The following ICAM5 variants were observed in gnomAD, a reference collection of about 807,000 sequenced individuals.
ICAM5 encodes the protein ICAM-5.
ICAM5 carries 38 observed loss-of-function variants against 78.8 expected under a neutral mutation model. The observed-to-expected ratio is 0.48, with a 90% CI of 0.37 to 0.63. The LOEUF is 0.63. Among genes scored for constraint, ICAM5 ranks in the 30% least tolerant of loss-of-function variants. ICAM5 has a pLI of 0.00. For synonymous variants in ICAM5, 544 were observed against 590.9 expected (o/e 0.92, Z 1.15); for missense variants, 1,059 against 1,303.0 (o/e 0.81, Z 2.88).
intron 4 of ICAM5, 128 bp from the exon 5 acceptor site, chr19:10,292,484 G>A: frequency 7.1e-7 from 1 of 1,399,110 alleles, no homozygotes; most frequent in African/African-American, 1.4e-5. Flanking sequence ...AGCCTGTACA[G>A]CCTGAGAGGC....
At position 10,295,486 on chromosome 19, in the gene ICAM5, G is replaced by C; in HGVS notation, c.2371G>C (p.Gly791Arg). ...CGCGCCCCCGGGGGCCCTCAACATC[G>C]GCCTGTCGAGCAACAACAGCACACT... The part of the protein sequence containing the change: ...WRAPPGALNI[G>R]LSSNNSTLSV... The change falls in exon 10 of 11, where the codon GGC becomes CGC. Residue 791 changes from glycine to arginine, a missense_variant. Gly to Arg is a moderately radical substitution (Grantham distance 125). Coordinates refer to ENST00000221980, the MANE Select transcript of ICAM5 (RefSeq NM_003259.4). 1 of 1,574,766 alleles carries C rather than the reference G, an allele frequency of 6.4e-7. No homozygotes were observed. Among genetic ancestry groups the C allele is most frequent in the Non-Finnish European group, 8.6e-7 (1 of 1,162,458 alleles).
In ICAM5 at chr19:10,294,402, G is replaced by A. The variant is rs2040203739; in HGVS notation, c.1992G>A (p.Ser664=). 6.2e-7 allele frequency: 1 copy of A among 1,612,814 alleles called. No individual in the cohort carries two copies. The highest frequency in any genetic ancestry group is 1.1e-5 in the South Asian group (1 of 91,054). The change falls in exon 9 of 11, where the codon TCG becomes TCA. Residue 664 remains serine, a splice_region_variant and synonymous_variant. Transcript: ENST00000221980. This position sits in a 1 kb window ranked among gnomAD's most constrained non-coding sequence, Gnocchi z 7.7. ...VAKTVVVSAE[S]PPEMDESTCP... ...ACATCCCCCATGGCTGCTTTGCAGC[G>A]CCACCGGAGATGGATGAATCTACCT... is the stretch of plus-strand genomic sequence containing the variant.
chr19:10,292,484 G>C (rs2040182419), intron 4 of ICAM5, 128 bp from the exon 5 acceptor site: 6 of 1,399,110 alleles, frequency 4.3e-6, no homozygotes, highest in Middle Eastern at 2.7e-4. Flanking sequence ...AGCCTGTACA[G>C]CCTGAGAGGC....
Position 10,296,358 on chromosome 19 carries a change from C to G in ICAM5, c.2517C>G (p.Ala839=), listed in dbSNP as rs1260778395. The change falls in exon 11 of 11, where the codon GCC becomes GCG. Residue 839 remains alanine, a synonymous_variant. Coordinates refer to ENST00000221980, the MANE Select transcript of ICAM5 (RefSeq NM_003259.4). ...VRVAGPWLWV[A]VGGAAGGAAL... ...CCGCAGGTCCGTGGCTATGGGTCGC[C>G]GTGGGCGGCGCGGCGGGGGGCGCGG... 8.8e-6 allele frequency: 11 copies of G among 1,248,122 alleles called. No homozygotes were observed. The highest frequency in any genetic ancestry group is 1.1e-5 in the Non-Finnish European group (11 of 988,480). The allele number at this position is 1,248,122 out of a possible 1,614,324, so 77.3% of individuals were successfully genotyped here.
chr19:10,295,758 C>CG, intron 10 of ICAM5, 146 bp downstream of exon 10: 1 of 922,426 alleles, frequency 1.1e-6, no homozygotes, highest in Non-Finnish European at 1.6e-6. Context: ...GGTGCCTTAG[C>CG]GGGTGGGGCT....
Position 10,291,578 on chromosome 19 carries a change from G to C in ICAM5, c.442G>C (p.Gly148Arg), listed in dbSNP as rs567508911. 1.9e-6 allele frequency: 3 copies of C among 1,612,422 alleles called. No homozygotes were observed. The highest frequency in any genetic ancestry group is 1.1e-5 in the South Asian group (1 of 91,084). The change falls in exon 3 of 11, where the codon GGG becomes CGG. Residue 148 changes from glycine to arginine, a missense_variant. This residue lies in a region of ICAM5 where 815 missense variants were observed against 952.8 expected (regional missense o/e 0.86). Coordinates refer to ENST00000221980, the MANE Select transcript of ICAM5 (RefSeq NM_003259.4). ...CCTGAGCTGTAGGGTCCCCGGCGCC[G>C]GGCCCCGTGCGAGCCTCACGCTGAC... Reference protein sequence around the residue: ...FTLSCRVPGAGPRASLTLTLL... With the variant: ...FTLSCRVPGARPRASLTLTLL...
intron 5 of ICAM5, 22 bp downstream of exon 5, chr19:10,292,888 G>GC: frequency 1.9e-6 from 3 of 1,606,860 alleles, no homozygotes; most frequent in Non-Finnish European, 1.7e-6. Flanking sequence ...ATAACCCCTC[G>GC]CCCCCCACCT....
intron 4 of ICAM5, 110 bp from the exon 5 acceptor site, chr19:10,292,502 C>A (rs1490051968): frequency 2.1e-5 from 30 of 1,436,812 alleles, no homozygotes; most frequent in Non-Finnish European, 2.8e-5. Context: ...GGCGGGGCGC[C>A]GTACCCTAGT....
Position 10,292,035 on chromosome 19 carries a change from C to G in ICAM5, c.674C>G (p.Ser225Cys), listed in dbSNP as rs2040177355. 4 of 1,611,262 alleles carry G rather than the reference C, an allele frequency of 2.5e-6. No individual in the cohort carries two copies. In the South Asian group the frequency reaches 4.4e-5, roughly 18 times the overall value. Residue 225 changes from serine (S) to cysteine (C), a missense_variant and splice_region_variant, in exon 4 of 11, where the codon TCC (serine) becomes TGC (cysteine). Physicochemically the swap from Ser to Cys is moderately radical, Grantham distance 112. Around this residue, in one of 3 missense-constraint regions of ICAM5, gnomAD observed 815 missense variants for 952.8 expected, o/e 0.86. Transcript: ENST00000221980. ...TCAAACTTGGTTCTTCGACCCCTAG[C>G]CCTGTCTCCGGATGCCCCGCGCCTC... ...SSAPRELRTF[S>C]LSPDAPRLAA...
chr19:10,296,578 G>A lies in ICAM5; in HGVS notation c.2737G>A (p.Glu913Lys). 2 of 1,217,868 alleles carry A rather than the reference G, an allele frequency of 1.6e-6. No individual in the cohort carries two copies. Among genetic ancestry groups the A allele is most frequent in the African/African-American group, 1.6e-5 (1 of 63,398 alleles). The allele number at this position is 1,217,868 out of a possible 1,614,324, so 75.4% of individuals were successfully genotyped here. A position where few individuals can be genotyped will look rare whatever the true frequency, so the allele number is the denominator to read the frequency against. The change falls in exon 11 of 11, where the codon GAG becomes AAG. Residue 913 changes from glutamate to lysine, a missense_variant. By Grantham distance (56) the Glu-to-Lys change is moderately conservative. Coordinates refer to ENST00000221980, the MANE Select transcript of ICAM5 (RefSeq NM_003259.4). ...GGGGGGCGCGGCCGAGTCGCCGGCGGAGGGCGAGGTCTTCGCCATACAGCT... is the reference window on the plus strand; with the variant it reads ...GGGGGGCGCGGCCGAGTCGCCGGCGAAGGGCGAGGTCTTCGCCATACAGCT... ...AAGGAAESPA[E>K]GEVFAIQLTS...
At position 10,292,044 on chromosome 19, in the gene ICAM5, C is replaced by T. The variant is rs147452916; in HGVS notation, c.683C>T (p.Pro228Leu). 1.4e-4 allele frequency: 222 copies of T among 1,611,720 alleles called. No individual in the cohort carries two copies. In the African/African-American group the frequency reaches 2.7e-3, roughly 20 times the overall value. ...PRELRTFSLS[P>L]DAPRLAAPRL... ...GTTCTTCGACCCCTAGCCCTGTCTC[C>T]GGATGCCCCGCGCCTCGCTGCTCCC... Residue 228 changes from proline to leucine, a missense_variant, in exon 4 of 11, where the codon CCG (proline) becomes CTG (leucine). Coordinates refer to ENST00000221980, the MANE Select transcript of ICAM5 (RefSeq NM_003259.4).
At position 10,294,142 on chromosome 19, in the gene ICAM5, G is replaced by T; in HGVS notation, c.1814G>T (p.Ser605Ile). 1 of 1,610,058 alleles carries T rather than the reference G, an allele frequency of 6.2e-7. No homozygotes were observed. The highest frequency in any genetic ancestry group is 8.5e-7 in the Non-Finnish European group (1 of 1,178,838). Residue 605 changes from serine (S) to isoleucine (I), a missense_variant, in exon 8 of 11, where the codon AGC becomes ATC. Physicochemically the swap from Ser to Ile is moderately radical, Grantham distance 142. Transcript: ENST00000221980. This position sits in a 1 kb window ranked among gnomAD's most constrained non-coding sequence, Gnocchi z 7.7. The stretch of plus-strand genomic sequence containing the variant: ...GAGGTCGATGGGAAGCCACAGCCAA[G>T]CGTGAAGTGCGTGGGCTCCGGGGGC... ...SCEVDGKPQP[S>I]VKCVGSGGAT...
intron 9 of ICAM5, 73 bp from the exon 10 acceptor site, chr19:10,295,273 G>T: frequency 7.0e-7 from 1 of 1,425,386 alleles, no homozygotes; most frequent in East Asian, 2.6e-5. Context: ...ATCGATCGTT[G>T]TGGGCCGGAG....
chr19:10,295,721 C>A (rs1396586044), intron 10 of ICAM5, 109 bp downstream of exon 10: 4 of 1,264,860 alleles, frequency 3.2e-6, no homozygotes, highest in African/African-American at 1.5e-5. Flanking sequence ...GTAGACTAGA[C>A]GGAAGTGGGA....
rs1182274202 is a variant in ICAM5 at position 10,292,094 on chromosome 19, A to T, written c.733A>T (p.Arg245Trp). The change falls in exon 4 of 11, where the codon AGG becomes TGG. Residue 245 changes from arginine to tryptophan, a missense_variant. Physicochemically the swap from Arg to Trp is moderately radical, Grantham distance 101. Around this residue, in one of 3 missense-constraint regions of ICAM5, gnomAD observed 815 missense variants for 952.8 expected, o/e 0.86. Transcript: ENST00000221980. ...CCGGCTCTTGGAAGTTGGCTCGGAAAGGCCCGTGAGCTGCACTCTGGACGG... is the reference window on the plus strand; with the variant it reads ...CCGGCTCTTGGAAGTTGGCTCGGAATGGCCCGTGAGCTGCACTCTGGACGG... ...APRLLEVGSE[R>W]PVSCTLDGLF... is the part of the protein sequence containing the mutation. The T allele has an allele frequency of 2.5e-6, 4 of 1,613,112 alleles. No homozygotes were observed. In the South Asian group the frequency reaches 4.4e-5, roughly 18 times the overall value.
rs1952439715 is a variant in ICAM5, at chr19:10,294,071, C to T, written c.1743C>T (p.Pro581=). The part of the protein sequence containing the change: ...YGPRFEEPSC[P]SNWTWVEGSG... Reference sequence around the variant, plus strand: ...CCAGGTTTGAGGAGCCGAGCTGCCCCAGCAATTGGACATGGGTGGAAGGAT... The same window carrying T: ...CCAGGTTTGAGGAGCCGAGCTGCCCTAGCAATTGGACATGGGTGGAAGGAT... The change falls in exon 8 of 11, where the codon CCC becomes CCT. Residue 581 remains proline, a synonymous_variant. Coordinates refer to ENST00000221980, the MANE Select transcript of ICAM5 (RefSeq NM_003259.4). This position sits in a 1 kb window ranked among gnomAD's most constrained non-coding sequence, Gnocchi z 7.7. 4 of 1,584,018 alleles carry T rather than the reference C, an allele frequency of 2.5e-6. No homozygotes were observed. The African/African-American group carries it at 5.4e-5, about 22-fold the overall frequency.
rs913190090 is a variant in ICAM5 at position 10,296,173 on chromosome 19, TG to T, written c.2498-164del. Among the ~76,000 whole-genome samples the T allele has an allele frequency of 2.6e-5, 4 of 152,292 alleles. No homozygotes were observed. The South Asian group carries it at 8.3e-4, about 32-fold the overall frequency. ...ATATAAATCGGGACTCGGGTCGCCC[TG>T]GCACTGGGAGTGGCCTTATTGCATG... On this transcript the variant is annotated intron_variant, in intron 10 of 10. Coordinates refer to ENST00000221980, the MANE Select transcript of ICAM5 (RefSeq NM_003259.4).
In ICAM5 at chr19:10,290,826, C is replaced by T. The variant is rs2040164970; in HGVS notation, c.83-246C>T. On this transcript the variant is annotated intron_variant, in intron 1 of 10. Coordinates refer to ENST00000221980, the MANE Select transcript of ICAM5 (RefSeq NM_003259.4). This position sits in a 1 kb window ranked among gnomAD's most constrained non-coding sequence, Gnocchi z 5.7. ...ACGCCCTCCCCCCATGCTTTCCCGC[C>T]GCTCCATCGGCGCTTTGGAGACCAT... is the stretch of plus-strand genomic sequence containing the variant. The T allele has an allele frequency of 1.7e-6, 1 of 582,178 alleles. No individual in the cohort carries two copies. The highest frequency in any genetic ancestry group is 2.9e-5 in the East Asian group (1 of 34,830). The allele number at this position is 582,178 out of a possible 1,614,324, so 36.1% of individuals were successfully genotyped here.
chr19:10,294,699 G>A lies in ICAM5; in HGVS notation c.2230+59G>A, dbSNP rs554379963. 1.0e-5 allele frequency: 16 copies of A among 1,605,404 alleles called. No homozygotes were observed. The highest frequency in any genetic ancestry group is 1.2e-5 in the Non-Finnish European group (14 of 1,177,600). ...GGTCCTCGGAAGAATGACTCGCAGC[G>A]GTGGGAGCATTCAAGGGCACCTCTC... On this transcript the variant is annotated intron_variant, in intron 9 of 10. Coordinates refer to ENST00000221980, the MANE Select transcript of ICAM5 (RefSeq NM_003259.4). The surrounding 1 kb of genome is among the most constrained non-coding windows in gnomAD (Gnocchi z 7.7).
Sources: allele counts gnomAD v4.1 joint callset (sites outside exome capture counted in the v4.1 genomes callset), GRCh38; gene constraint gnomAD v4.1.1; regional missense constraint gnomAD v4.1.1; non-coding constraint Gnocchi (gnomAD v3.1); transcripts MANE v1.5; gene names NCBI Gene and HGNC (gene_info 2026-07-23, HGNC 2026-07-21).